ATG7: variants seen among roughly 807,000 people sequenced by gnomAD.
The protein encoded by ATG7 is autophagy related 7, also known as ubiquitin-like modifier-activating enzyme ATG7.
ATG7 carries 70 observed loss-of-function variants against 82.4 expected under a neutral mutation model. The ratio of observed to expected loss-of-function variants is 0.85; its 90% CI spans 0.70 to 1.04. The LOEUF (loss-of-function observed/expected upper bound fraction) is 1.04, where lower values mean the gene tolerates loss of function less well. ATG7 is among the 50% of genes least tolerant of loss of function. ATG7 has a pLI of 0.00. For synonymous variants in ATG7, 287 were observed against 313.0 expected (o/e 0.92, Z 0.88); for missense variants, 792 against 864.3 (o/e 0.92, Z 1.05).
intron 20 of ATG7, among the ~76,000 whole-genome samples, chr3:11,550,379 C>T (rs9824793): frequency 6.6e-6 from 1 of 151,688 alleles, no homozygotes; most frequent in Admixed American, 6.6e-5. Context: ...AAAATTTGGT[C>T]TATTGGTCTT....
the ATG7 span, chr3:11,564,700 C>T: frequency 2.1e-6 from 3 of 1,416,534 alleles, no homozygotes; most frequent in Non-Finnish European, 2.9e-6. Context: ...CTCCCTCCCT[C>T]ACCACCGCCC....
chr3:11,469,385 G>A (rs1021057592), intron 20 of ATG7, among the ~76,000 whole-genome samples: 3 of 151,992 alleles, frequency 2.0e-5, no homozygotes, highest in Non-Finnish European at 2.9e-5. Flanking sequence ...GGAGGTGGAG[G>A]TTGCGGTGAG....
At chr3:11,548,618 G>A (rs747763137) in intron 20 of ATG7, among the ~76,000 whole-genome samples, 1 of 152,128 alleles carries the variant, frequency 6.6e-6, no homozygotes, top group Non-Finnish European at 1.5e-5. Context: ...AAACAAAGGT[G>A]GTATGCTACA....
chr3:11,439,083 T>TG (rs1245713074), intron 20 of ATG7, among the ~76,000 whole-genome samples: 1 of 149,348 alleles, frequency 6.7e-6, no homozygotes, highest in East Asian at 2.0e-4. Flanking sequence ...TTTTTTTTTT[T>TG]TTTGAGACAG....
intron 20 of ATG7, chr3:11,446,583 A>C: frequency 2.5e-6 from 1 of 403,234 alleles, no homozygotes; most frequent in Non-Finnish European, 4.8e-6. Context: ...AAATGTCATA[A>C]ATGAGCCTTT....
At chr3:11,404,570 G>A (rs879609795) in intron 19 of ATG7, among the ~76,000 whole-genome samples, 4 of 151,958 alleles carry the variant, frequency 2.6e-5, no homozygotes, top group Non-Finnish European at 5.9e-5. Context: ...TCCCTGAGCA[G>A]GTGTGTGGTT....
chr3:11,400,762 C>G (rs939655878), intron 19 of ATG7, among the ~76,000 whole-genome samples: 1 of 152,072 alleles, frequency 6.6e-6, no homozygotes, highest in Non-Finnish European at 1.5e-5. Flanking sequence ...AACTTGCCTG[C>G]GAAGCATGTT....
At chr3:11,479,698 A>C (rs1013025997) in intron 20 of ATG7, among the ~76,000 whole-genome samples, 4 of 152,184 alleles carry the variant, frequency 2.6e-5, no homozygotes, top group African/African-American at 9.7e-5. Flanking sequence ...ATCATCCCCA[A>C]TGGAGGAGCT....
intron 19 of ATG7, among the ~76,000 whole-genome samples, chr3:11,396,292 C>T (rs1353101773): frequency 6.6e-6 from 1 of 151,942 alleles, no homozygotes; most frequent in Non-Finnish European, 1.5e-5. Context: ...ACTAAAAATA[C>T]AAAAATTAGC....
chr3:11,414,867 A>G (rs1466722139), intron 19 of ATG7, among the ~76,000 whole-genome samples: 1 of 152,202 alleles, frequency 6.6e-6, no homozygotes, highest in African/African-American at 2.4e-5. Flanking sequence ...TTGATTTTCA[A>G]ATGTTGAACC....
chr3:11,534,915 C>T (rs973073849), intron 20 of ATG7, among the ~76,000 whole-genome samples: 4 of 152,242 alleles, frequency 2.6e-5, no homozygotes, highest in African/African-American at 7.2e-5. Context: ...GCTGCGGAGG[C>T]GCCTCTGCCT....
In ATG7 at chr3:11,539,802, T is replaced by C. The variant is rs534637947; in HGVS notation, c.2080-15009T>C. Reference sequence around the variant, plus strand: ...GAGCTTTGAGAAACGTACTCGCTTGTGGAACCAGCACAGTTCGGCGACATC... The same window carrying C: ...GAGCTTTGAGAAACGTACTCGCTTGCGGAACCAGCACAGTTCGGCGACATC... On this transcript the variant is annotated intron_variant, in intron 20 of 20. Coordinates refer to ENST00000693202, the MANE Select transcript of ATG7 (RefSeq NM_001349232.2). Among the ~76,000 whole-genome samples the C allele has an allele frequency of 9.2e-5, 14 of 152,384 alleles. No homozygotes were observed. In the East Asian group the frequency reaches 2.3e-3, roughly 25 times the overall value.
chr3:11,480,631 G>A (rs1339687238), intron 20 of ATG7, among the ~76,000 whole-genome samples: 1 of 152,130 alleles, frequency 6.6e-6, no homozygotes, highest in Non-Finnish European at 1.5e-5. Flanking sequence ...TCACCTAAAG[G>A]GTATCTGGGA....
chr3:11,559,881 A>G (rs770769830), downstream of ATG7, among the ~76,000 whole-genome samples: 29 of 152,000 alleles, frequency 1.9e-4, no homozygotes, highest in African/African-American at 4.4e-4. Context: ...GGACACTTCA[A>G]TACACGGCAA....
intron 19 of ATG7, among the ~76,000 whole-genome samples, chr3:11,399,528 G>A (rs1401431811): frequency 2.0e-5 from 3 of 151,978 alleles, no homozygotes; most frequent in African/African-American, 4.8e-5. Context: ...TTGTAATGTA[G>A]AAGTGGCCTA....
chr3:11,415,000 T>C (rs2081242897), intron 19 of ATG7, among the ~76,000 whole-genome samples: 1 of 152,254 alleles, frequency 6.6e-6, no homozygotes, highest in African/African-American at 2.4e-5. Flanking sequence ...TTCATTGTTG[T>C]ATGAATATCG....
At chr3:11,565,141 T>G in the ATG7 span, 37 of 1,017,976 alleles carry the variant, frequency 3.6e-5, 1 homozygote, top group Admixed American at 2.1e-4. This position sits in a 1 kb window ranked among gnomAD's most constrained non-coding sequence, Gnocchi z 4.1. Context: ...GTCGTGTGGC[T>G]GGGCAGCACG....
rs756579901 is a variant in ATG7, at chr3:11,426,859, C to A, written c.2012C>A (p.Ser671Tyr). ...AACTTCCTAGCCAAGGTGTTTAATT[C>A]TTCACATTCCTTCTTAGAAGACTTG... ...GFNFLAKVFN[S>Y]SHSFLEDLTG... is the part of the protein sequence containing the mutation. The change falls in exon 20 of 21, where the codon TCT (serine) becomes TAT (tyrosine). Residue 671 changes from serine (S) to tyrosine (Y), a missense_variant. Ser to Tyr is a moderately radical substitution (Grantham distance 144). Coordinates refer to ENST00000693202, the MANE Select transcript of ATG7 (RefSeq NM_001349232.2). The A allele has an allele frequency of 3.7e-6, 6 of 1,612,280 alleles. No individual in the cohort carries two copies. In the South Asian group the frequency reaches 6.6e-5, roughly 18 times the overall value.
At chr3:11,446,248 T>C (rs2084539364) in intron 20 of ATG7, among the ~76,000 whole-genome samples, 1 of 151,512 alleles carries the variant, frequency 6.6e-6, no homozygotes, top group Admixed American at 6.6e-5. Flanking sequence ...GAAAGCCTGA[T>C]TAAATTGGAT....
Sources: gnomAD v4.1 joint callset for allele counts (sites outside exome capture counted in the v4.1 genomes callset) on GRCh38, gnomAD v4.1.1 for gene constraint, Gnocchi (gnomAD v3.1) non-coding constraint, MANE v1.5 for transcripts, NCBI Gene and HGNC (gene_info 2026-07-23, HGNC 2026-07-21) for gene names.